IGSF3: variants seen among roughly 807,000 people sequenced by gnomAD.
The protein encoded by IGSF3 is immunoglobulin superfamily member 3.
In IGSF3, 23 loss-of-function variants were observed where a neutral mutation model predicts 114.4. The ratio of observed to expected loss-of-function variants is 0.20; its 90% confidence interval spans 0.14 to 0.28. The LOEUF (loss-of-function observed/expected upper bound fraction) is 0.28, where lower values mean the gene tolerates loss of function less well. IGSF3 is among the 10% of genes least tolerant of loss of function. The pLI is 1.00. For missense variants in IGSF3, 1,172 were observed against 1,591.5 expected, an observed-to-expected ratio of 0.74 and a Z score of 4.48; for synonymous variants, 571 against 645.2, an observed-to-expected ratio of 0.88 and a Z score of 1.74.
chr1:116,597,796 C>CAATCTCAGTTCA, intron 7 of IGSF3, among the ~76,000 whole-genome samples: 1 of 152,192 alleles, frequency 6.6e-6, no homozygotes, highest in Non-Finnish European at 1.5e-5. Flanking sequence ...ACCTGGGCTC[C>CAATCTCAGTTCA]AATCTCAGTT....
At chr1:116,658,026 T>G (rs1648941672) in intron 2 of IGSF3, among the ~76,000 whole-genome samples, 1 of 149,978 alleles carries the variant, frequency 6.7e-6, no homozygotes, top group Admixed American at 6.6e-5. Flanking sequence ...TGATTATGGT[T>G]TTTTTTTTTT....
In IGSF3 at chr1:116,584,018, G is replaced by A. The variant is rs1224283199; in HGVS notation, c.2848+627C>T. On this transcript the variant is annotated intron_variant, in intron 9 of 10. Transcript: ENST00000369486. This position sits in a 1 kb window ranked among gnomAD's most constrained non-coding sequence, Gnocchi z 5.8. Reference sequence around the variant, plus strand: ...AGCTTGGCCAACATGATGAAACCCCGTCTCTACTAAAAATACACAAATTAG... The same window carrying A: ...AGCTTGGCCAACATGATGAAACCCCATCTCTACTAAAAATACACAAATTAG... Among the ~76,000 whole-genome samples, 8 of 152,094 alleles carry A rather than the reference G, an allele frequency of 5.3e-5. No individual in the cohort carries two copies. Among genetic ancestry groups the A allele is most frequent in the Middle Eastern group, 3.4e-3 (1 of 294 alleles).
rs1170343142 is a variant in IGSF3, at chr1:116,576,479, G to A, written c.*833C>T. 1 of 152,668 alleles carries A rather than the reference G, an allele frequency of 6.6e-6. No homozygotes were observed. The highest frequency in any genetic ancestry group is 2.4e-5 in the African/African-American group (1 of 41,458). 9.5% of individuals were successfully genotyped at this position (152,668 alleles called of 1,614,324 possible). Reference sequence around the variant, plus strand: ...TGCAGGTCAGCAGCTGCTAAAAGCAGCCCCTGCCCACTTTAATTTGGAAAG... The same window carrying A: ...TGCAGGTCAGCAGCTGCTAAAAGCAACCCCTGCCCACTTTAATTTGGAAAG... On this transcript the variant is annotated 3_prime_UTR_variant, in exon 11 of 11. Coordinates refer to ENST00000369486, the MANE Select transcript of IGSF3 (RefSeq NM_001007237.3). This position sits in a 1 kb window ranked among gnomAD's most constrained non-coding sequence, Gnocchi z 4.6.
chr1:116,661,225 G>C lies in IGSF3; in HGVS notation c.43+5059C>G, dbSNP rs139699119. ...GGAGAATCGCGTGAACCCAGCAGGC[G>C]GAGGTTACGGTGAGCCAAGATCGTG... On this transcript the variant is annotated intron_variant, in intron 2 of 10. Coordinates refer to ENST00000369486, the MANE Select transcript of IGSF3 (RefSeq NM_001007237.3). This position sits in a 1 kb window ranked among gnomAD's most constrained non-coding sequence, Gnocchi z 4.0. 6.6e-6 allele frequency among the ~76,000 whole-genome samples: 1 copy of C among 152,112 alleles called. No individual in the cohort carries two copies. The highest frequency in any genetic ancestry group is 6.5e-5 in the Admixed American group (1 of 15,280).
chr1:116,652,341 C>T (rs1648665192), intron 2 of IGSF3, among the ~76,000 whole-genome samples: 1 of 152,336 alleles, frequency 6.6e-6, no homozygotes, highest in South Asian at 2.1e-4. Context: ...CTTTATTAGG[C>T]ATTCTATTAG....
Position 116,595,269 on chromosome 1 carries a change from T to A in IGSF3, c.2029+4672A>T, listed in dbSNP as rs1008253973. Among the ~76,000 whole-genome samples, 1 of 152,122 alleles carries A rather than the reference T, an allele frequency of 6.6e-6. No homozygotes were observed. The highest frequency in any genetic ancestry group is 1.5e-5 in the Non-Finnish European group (1 of 68,006). On this transcript the variant is annotated intron_variant, in intron 7 of 10. Transcript: ENST00000369486. This position sits in a 1 kb window ranked among gnomAD's most constrained non-coding sequence, Gnocchi z 4.2. Reference sequence around the variant, plus strand: ...TTACCATGACAACAGGCCTGAGGGATCTGGGAGGGGCTGAGCTCTCCTCTT... The same window carrying A: ...TTACCATGACAACAGGCCTGAGGGAACTGGGAGGGGCTGAGCTCTCCTCTT...
At position 116,584,381 on chromosome 1, in the gene IGSF3, T is replaced by C. The variant is rs1659723980; in HGVS notation, c.2848+264A>G. On this transcript the variant is annotated intron_variant, in intron 9 of 10. Coordinates refer to ENST00000369486, the MANE Select transcript of IGSF3 (RefSeq NM_001007237.3). The surrounding 1 kb of genome is among the most constrained non-coding windows in gnomAD (Gnocchi z 5.8). The stretch of plus-strand genomic sequence containing the variant: ...TTGTTCCAAATCTGGAAAAAGGAAA[T>C]ATTCTATGACCTGGAATAATTAATG... 6.6e-6 allele frequency among the ~76,000 whole-genome samples: 1 copy of C among 152,188 alleles called. No individual in the cohort carries two copies. The highest frequency in any genetic ancestry group is 1.5e-5 in the Non-Finnish European group (1 of 68,024).
At chr1:116,626,770 G>A (rs911820090) in intron 2 of IGSF3, among the ~76,000 whole-genome samples, 2 of 152,022 alleles carry the variant, frequency 1.3e-5, no homozygotes, top group African/African-American at 4.8e-5. Flanking sequence ...GAAAAGGTAG[G>A]GATAGCACCT....
chr1:116,644,424 G>A lies in IGSF3; in HGVS notation c.43+21860C>T, dbSNP rs531499566. Reference sequence around the variant, plus strand: ...AGCAGGAATTCAGCCTCTGGCAGCCGTGATGATGCTGAGGCAGTGTCCCCA... The same window carrying A: ...AGCAGGAATTCAGCCTCTGGCAGCCATGATGATGCTGAGGCAGTGTCCCCA... On this transcript the variant is annotated intron_variant, in intron 2 of 10. Coordinates refer to ENST00000369486, the MANE Select transcript of IGSF3 (RefSeq NM_001007237.3). The surrounding 1 kb of genome is among the most constrained non-coding windows in gnomAD (Gnocchi z 5.6). Among the ~76,000 whole-genome samples, 13 of 152,354 alleles carry A rather than the reference G, an allele frequency of 8.5e-5. No individual in the cohort carries two copies. The highest frequency in any genetic ancestry group is 5.9e-4 in the Admixed American group (9 of 15,310).
Position 116,634,023 on chromosome 1 carries a change from A to T in IGSF3, c.44-17566T>A, listed in dbSNP as rs1366865418. Among the ~76,000 whole-genome samples the T allele has an allele frequency of 6.6e-6, 1 of 152,262 alleles. No individual in the cohort carries two copies. Among genetic ancestry groups the T allele is most frequent in the Non-Finnish European group, 1.5e-5 (1 of 68,050 alleles). ...ATCAGCCCTGCTAATGTGTACAGTC[A>T]GCATCAAAGAGGTAACAATGGTAGA... On this transcript the variant is annotated intron_variant, in intron 2 of 10. Transcript: ENST00000369486. This position sits in a 1 kb window ranked among gnomAD's most constrained non-coding sequence, Gnocchi z 4.2.
chr1:116,639,119 G>A (rs1413695073), intron 2 of IGSF3, among the ~76,000 whole-genome samples: 1 of 152,200 alleles, frequency 6.6e-6, no homozygotes, highest in Admixed American at 6.5e-5. Flanking sequence ...AGGCAGCCCA[G>A]GGACAGGTGA....
At position 116,661,016 on chromosome 1, in the gene IGSF3, G is replaced by T. The variant is rs895239626; in HGVS notation, c.43+5268C>A. Among the ~76,000 whole-genome samples, 2 of 152,184 alleles carry T rather than the reference G, an allele frequency of 1.3e-5. No individual in the cohort carries two copies. The highest frequency in any genetic ancestry group is 4.8e-5 in the African/African-American group (2 of 41,452). On this transcript the variant is annotated intron_variant, in intron 2 of 10. Transcript: ENST00000369486. This position sits in a 1 kb window ranked among gnomAD's most constrained non-coding sequence, Gnocchi z 4.0. ...ACTCATCAAAAAATTAACTGGGCCA[G>T]GTGTGGTAGCTCACGCCTGTAATTT...
chr1:116,592,044 T>C lies in IGSF3; in HGVS notation c.2030-2940A>G, dbSNP rs1402465933. On this transcript the variant is annotated intron_variant, in intron 7 of 10. Coordinates refer to ENST00000369486, the MANE Select transcript of IGSF3 (RefSeq NM_001007237.3). The surrounding 1 kb of genome is among the most constrained non-coding windows in gnomAD (Gnocchi z 4.5). The stretch of plus-strand genomic sequence containing the variant: ...TGTCCCAAGTTCAAAGTTCAACACT[T>C]AGAATGGGAGTTGTCAAGCATAAGT... Among the ~76,000 whole-genome samples, 1 of 152,112 alleles carries C rather than the reference T, an allele frequency of 6.6e-6. No homozygotes were observed. Among genetic ancestry groups the C allele is most frequent in the Non-Finnish European group, 1.5e-5 (1 of 68,036 alleles).
Position 116,607,944 on chromosome 1 carries a change from A to T in IGSF3, c.1220T>A (p.Leu407His). Residue 407 changes from leucine (L) to histidine (H), a missense_variant and splice_region_variant, in exon 5 of 11, where the codon CTC (leucine) becomes CAC (histidine). This residue lies in a region of IGSF3 where 736 missense variants were observed against 1,042.0 expected (regional missense o/e 0.71). Coordinates refer to ENST00000369486, the MANE Select transcript of IGSF3 (RefSeq NM_001007237.3). The surrounding 1 kb of genome is among the most constrained non-coding windows in gnomAD (Gnocchi z 6.1). Reference protein sequence around the residue: ...PKNIPIIVLPLKSSISVEVAS... With the variant: ...PKNIPIIVLPHKSSISVEVAS... Reference sequence around the variant, plus strand: ...AAGCAGCACATCTCTCTACTTACTGAGGGGGAGGACTATGATGGGGATGTT... The same window carrying T: ...AAGCAGCACATCTCTCTACTTACTGTGGGGGAGGACTATGATGGGGATGTT... 1.2e-6 allele frequency: 2 copies of T among 1,613,424 alleles called. No homozygotes were observed. Among genetic ancestry groups the T allele is most frequent in the Non-Finnish European group, 1.7e-6 (2 of 1,179,502 alleles).
intron 9 of IGSF3, among the ~76,000 whole-genome samples, chr1:116,580,725 T>C (rs551774118): frequency 2.0e-5 from 3 of 152,322 alleles, no homozygotes; most frequent in East Asian, 1.9e-4. Flanking sequence ...ACCCAGTCTA[T>C]AGTATTTTGT....
chr1:116,588,773 C>T lies in IGSF3; in HGVS notation c.2361G>A (p.Trp787Ter). 6.2e-7 allele frequency: 1 copy of T among 1,614,162 alleles called. No homozygotes were observed. The highest frequency in any genetic ancestry group is 8.5e-7 in the Non-Finnish European group (1 of 1,180,026). ...SGSYYCHVEE[W>*]LLSPNYAWYK... ...ACCAGGCGTAGTTGGGGCTCAGCAG[C>T]CACTCCTCCACGTGGCAGTAGTAGC... is the stretch of plus-strand genomic sequence containing the variant. The change falls in exon 8 of 11, where the codon TGG (tryptophan) becomes TGA (stop). Residue 787 changes from tryptophan to a stop codon, truncating the protein, a stop_gained. Coordinates refer to ENST00000369486, the MANE Select transcript of IGSF3 (RefSeq NM_001007237.3). LOFTEE classifies it high-confidence loss of function. This position sits in a 1 kb window ranked among gnomAD's most constrained non-coding sequence, Gnocchi z 4.9.
rs1659816680 is a variant in IGSF3 at position 116,585,730 on chromosome 1, T to G, written c.2441-678A>C. 6.6e-6 allele frequency among the ~76,000 whole-genome samples: 1 copy of G among 152,020 alleles called. No homozygotes were observed. The highest frequency in any genetic ancestry group is 1.5e-5 in the Non-Finnish European group (1 of 67,992). On this transcript the variant is annotated intron_variant, in intron 8 of 10. Transcript: ENST00000369486. The surrounding 1 kb of genome is among the most constrained non-coding windows in gnomAD (Gnocchi z 4.9). ...TGAGGCCAGGAGTTTGAGACCAGCC[T>G]GGCCAACACAATGAAACCCCATCTC...
intron 2 of IGSF3, among the ~76,000 whole-genome samples, chr1:116,620,330 A>T (rs1661378714): frequency 6.6e-6 from 1 of 152,222 alleles, no homozygotes; most frequent in Non-Finnish European, 1.5e-5. Context: ...GGGACTGCAG[A>T]TTGATCCAAT....
At chr1:116,581,386 A>G (rs1488616675) in intron 9 of IGSF3, among the ~76,000 whole-genome samples, 2 of 140,406 alleles carry the variant, frequency 1.4e-5, no homozygotes, top group African/African-American at 2.7e-5. Context: ...TTCACTCCCT[A>G]ACTCCTAAAA....
Sources: gnomAD v4.1 joint callset for allele counts (sites outside exome capture counted in the v4.1 genomes callset) on GRCh38, gnomAD v4.1.1 for gene constraint, gnomAD v4.1.1 regional missense constraint, Gnocchi (gnomAD v3.1) non-coding constraint, MANE v1.5 for transcripts, NCBI Gene and HGNC (gene_info 2026-07-23, HGNC 2026-07-21) for gene names.